ENTREP2: variants seen among roughly 807,000 people sequenced by gnomAD.
ENTREP2 encodes the protein endosomal transmembrane epsin interactor 2, also known as protein ENTREP2.
At chr15:29,668,579 A>G in the ENTREP2 span, among the ~76,000 whole-genome samples, 4 of 152,192 alleles carry the variant, frequency 2.6e-5, no homozygotes, top group Non-Finnish European at 5.9e-5. Context: ...ATTTGCGGTA[A>G]ATAGGGATGC....
the ENTREP2 span, chr15:29,151,788 C>A: frequency 6.4e-7 from 1 of 1,551,618 alleles, no homozygotes; most frequent in South Asian, 1.2e-5. Flanking sequence ...CTGTGGCCAG[C>A]GCACACACGA....
the ENTREP2 span, among the ~76,000 whole-genome samples, chr15:29,500,784 G>GA: frequency 7.2e-5 from 11 of 151,872 alleles, no homozygotes; most frequent in African/African-American, 2.4e-4. Flanking sequence ...AAACAACATA[G>GA]AAAATCAACA....
At chr15:29,168,698 T>G in the ENTREP2 span, among the ~76,000 whole-genome samples, 1 of 152,174 alleles carries the variant, frequency 6.6e-6, no homozygotes, top group Admixed American at 6.5e-5. Flanking sequence ...CCTAAAAATG[T>G]CGATGGATTT....
At chr15:29,333,767 C>T in the ENTREP2 span, among the ~76,000 whole-genome samples, 2 of 152,066 alleles carry the variant, frequency 1.3e-5, no homozygotes, top group African/African-American at 4.8e-5. Context: ...GAGACTGTGA[C>T]CTTATTGGAA....
chr15:29,561,295 C>T, the ENTREP2 span, among the ~76,000 whole-genome samples: 6 of 152,052 alleles, frequency 3.9e-5, no homozygotes, highest in East Asian at 1.2e-3. Flanking sequence ...ATCTGCACCC[C>T]CATGTTCTAA....
chr15:29,294,102 C>T, the ENTREP2 span, among the ~76,000 whole-genome samples: 1 of 152,154 alleles, frequency 6.6e-6, no homozygotes, highest in Non-Finnish European at 1.5e-5. Context: ...CAAAGAGGGC[C>T]CTCTGGGGGG....
At chr15:29,580,110 A>G in the ENTREP2 span, among the ~76,000 whole-genome samples, 104,264 of 151,828 alleles carry the variant, frequency 0.69, 36,149 homozygotes, top group South Asian at 0.8. Context: ...GCCTCCCAAA[A>G]TGCGGGGATT....
At chr15:29,298,973 A>G in the ENTREP2 span, among the ~76,000 whole-genome samples, 1 of 152,222 alleles carries the variant, frequency 6.6e-6, no homozygotes, top group Non-Finnish European at 1.5e-5. Flanking sequence ...AAACTTTAAC[A>G]AACGTGACTT....
At chr15:29,577,873 G>A in the ENTREP2 span, among the ~76,000 whole-genome samples, 1 of 152,128 alleles carries the variant, frequency 6.6e-6, no homozygotes, top group African/African-American at 2.4e-5. Context: ...GAAGTACCTA[G>A]AGTAGTCAAA....
chr15:29,433,402 T>G, the ENTREP2 span, among the ~76,000 whole-genome samples: 9 of 152,184 alleles, frequency 5.9e-5, no homozygotes, highest in Non-Finnish European at 2.9e-5. Context: ...CCTTTACCCT[T>G]AGAAACTCAA....
At chr15:29,226,568 G>T in the ENTREP2 span, among the ~76,000 whole-genome samples, 1 of 152,200 alleles carries the variant, frequency 6.6e-6, no homozygotes. Context: ...AAGACTTCAA[G>T]CCAGACAGTC....
At chr15:29,450,995 A>C in the ENTREP2 span, among the ~76,000 whole-genome samples, 1 of 152,000 alleles carries the variant, frequency 6.6e-6, no homozygotes, top group South Asian at 2.1e-4. Context: ...AAAAAAAAAA[A>C]CTGTTGGGTA....
the ENTREP2 span, among the ~76,000 whole-genome samples, chr15:29,453,237 C>T: frequency 1.3e-5 from 2 of 152,138 alleles, no homozygotes; most frequent in South Asian, 2.1e-4. Context: ...CCTCAGAGGC[C>T]GGTAGGACTG....
chr15:29,537,076 C>A, the ENTREP2 span, among the ~76,000 whole-genome samples: 1 of 152,148 alleles, frequency 6.6e-6, no homozygotes, highest in East Asian at 1.9e-4. Context: ...TTCTTCTGGA[C>A]CTTTTTATGT....
chr15:29,354,359 C>T, the ENTREP2 span, among the ~76,000 whole-genome samples: 1 of 152,194 alleles, frequency 6.6e-6, no homozygotes, highest in African/African-American at 2.4e-5. Context: ...TTGGCCTTCA[C>T]AAGTGCATGA....
the ENTREP2 span, among the ~76,000 whole-genome samples, chr15:29,222,296 A>G: frequency 2.5e-4 from 38 of 152,172 alleles, no homozygotes; most frequent in African/African-American, 6.3e-4. Context: ...AAGTTACCCT[A>G]TATGGTCAAA....
At chr15:29,156,912 T>C in the ENTREP2 span, among the ~76,000 whole-genome samples, 1 of 151,960 alleles carries the variant, frequency 6.6e-6, no homozygotes, top group Non-Finnish European at 1.5e-5. Context: ...CTGACCAACA[T>C]GGTGAAACCC....
chr15:29,570,385 G>C, the ENTREP2 span: 6 of 524,234 alleles, frequency 1.1e-5, no homozygotes, highest in African/African-American at 6.0e-5. Flanking sequence ...GCAGCTACTC[G>C]GCCCCGGCGT....
chr15:29,639,768 C>CTTTTTT, the ENTREP2 span, among the ~76,000 whole-genome samples: 17 of 127,266 alleles, frequency 1.3e-4, no homozygotes, highest in South Asian at 1.8e-3. Context: ...TTTTTGTTTG[C>CTTTTTT]TTTTTTTTTT....
Sources: allele counts gnomAD v4.1 joint callset (sites outside exome capture counted in the v4.1 genomes callset), GRCh38; gene constraint gnomAD v4.1.1; transcripts MANE v1.5; gene names NCBI Gene and HGNC (gene_info 2026-07-23, HGNC 2026-07-21).